Variants in ST8SIA6 observed in about 807,000 individuals in gnomAD.
ST8SIA6 encodes the protein alpha-2,8-sialyltransferase 8F.
A neutral mutation model predicts 33.6 loss-of-function variants in ST8SIA6; 39 were observed. The observed-to-expected ratio is 1.16, with a 90% CI of 0.90 to 1.52. The LOEUF (loss-of-function observed/expected upper bound fraction) is 1.52, where lower values mean the gene tolerates loss of function less well. ST8SIA6 is among the 40% of genes most tolerant of loss of function. The pLI, the probability that ST8SIA6 is intolerant of heterozygous loss-of-function variation, is 0.00. For missense variants in ST8SIA6, 441 were observed against 443.8 expected, an observed-to-expected ratio of 0.99 and a Z score of 0.06; for synonymous variants, 172 against 167.2, an observed-to-expected ratio of 1.03 and a Z score of -0.22.
rs76525493 is a variant in ST8SIA6 at position 17,384,651 on chromosome 10, C to A, written c.290+5880G>T. Among the ~76,000 whole-genome samples the A allele has an allele frequency of 1.6e-3, 243 of 151,286 alleles. 4 individuals carry two copies. In the East Asian group the frequency reaches 0.045, roughly 28 times the overall value. ...AAAATGATGTTTTCATTTTTTTTTC[C>A]AGTTTTCCTAATTTGGAGTCACTAA... On this transcript the variant is annotated intron_variant, in intron 3 of 7. Transcript: ENST00000377602.
intron 2 of ST8SIA6, chr10:17,399,301 A>G (rs1850945128): frequency 6.6e-6 from 1 of 152,192 alleles, no homozygotes; most frequent in South Asian, 2.1e-4. Flanking sequence ...CACAATTACC[A>G]TCTGAGCTTG....
intron 4 of ST8SIA6, among the ~76,000 whole-genome samples, chr10:17,340,740 C>A (rs1289283214): frequency 6.6e-6 from 1 of 152,196 alleles, no homozygotes. Context: ...CTTATCTGAG[C>A]CACTGTATCT....
intron 2 of ST8SIA6, among the ~76,000 whole-genome samples, chr10:17,398,363 G>A (rs922739152): frequency 4.0e-5 from 6 of 151,782 alleles, no homozygotes; most frequent in Admixed American, 1.3e-4. Context: ...CTGATAGTGC[G>A]AAGAATGTCT....
At chr10:17,453,394 GC>G (rs369936732) in intron 2 of ST8SIA6, among the ~76,000 whole-genome samples, 164 bp downstream of exon 2, 3,571 of 150,368 alleles carry the variant, frequency 0.024, 161 homozygotes, top group African/African-American at 0.082. Context: ...TGTGAAGGGT[GC>G]CCCCCCCCAA....
At chr10:17,402,230 C>T (rs1851073069) in intron 2 of ST8SIA6, among the ~76,000 whole-genome samples, 1 of 152,116 alleles carries the variant, frequency 6.6e-6, no homozygotes, top group South Asian at 2.1e-4. Flanking sequence ...CACAATGAGA[C>T]ACCATCTCAC....
At chr10:17,399,052 C>T (rs1465571585) in intron 2 of ST8SIA6, 1 of 152,160 alleles carries the variant, frequency 6.6e-6, no homozygotes, top group East Asian at 1.9e-4. Context: ...TATAAATCGT[C>T]TTGTATGAAT....
At chr10:17,399,773 C>T (rs1850967124) in intron 2 of ST8SIA6, among the ~76,000 whole-genome samples, 1 of 151,754 alleles carries the variant, frequency 6.6e-6, no homozygotes, top group African/African-American at 2.4e-5. Flanking sequence ...TAAAAATTAG[C>T]CAGATGTGGT....
At chr10:17,335,646 A>G (rs45561931) in intron 4 of ST8SIA6, among the ~76,000 whole-genome samples, 2,674 of 152,260 alleles carry the variant, frequency 0.018, 31 homozygotes, top group Non-Finnish European at 0.022. Context: ...GTTCATGGAG[A>G]TTAACAAAAG....
chr10:17,359,376 G>T lies in ST8SIA6; in HGVS notation c.377+138C>A, dbSNP rs1588836912. 6.9e-6 allele frequency: 4 copies of T among 575,544 alleles called. No homozygotes were observed. In the East Asian group the frequency reaches 1.2e-4, roughly 18 times the overall value. The allele number at this position is 575,544 out of a possible 1,614,324, so 35.7% of individuals were successfully genotyped here. On this transcript the variant is annotated intron_variant, in intron 4 of 7. Coordinates refer to ENST00000377602, the MANE Select transcript of ST8SIA6 (RefSeq NM_001004470.3). ...ATGGAATGCCCTGTGCCTCATGAGA[G>T]GGTCTTAGAATTCAGTTGGCCTCAT...
At chr10:17,398,756 A>C (rs567677994) in intron 2 of ST8SIA6, among the ~76,000 whole-genome samples, 1 of 152,272 alleles carries the variant, frequency 6.6e-6, no homozygotes, top group South Asian at 2.1e-4. Flanking sequence ...ATACTTAGAA[A>C]CACTCTGTCC....
intron 3 of ST8SIA6, among the ~76,000 whole-genome samples, chr10:17,375,970 C>A (rs543804177): frequency 3.0e-4 from 45 of 152,298 alleles, no homozygotes; most frequent in African/African-American, 1.0e-3. Flanking sequence ...AGACGCCTGG[C>A]GGATTACCAC....
chr10:17,420,091 A>G (rs1240919065), intron 2 of ST8SIA6, among the ~76,000 whole-genome samples: 1 of 152,252 alleles, frequency 6.6e-6, no homozygotes, highest in African/African-American at 2.4e-5. Context: ...TTATTACCTC[A>G]AAGTCTAAAG....
At chr10:17,378,960 A>G (rs1850019001) in intron 3 of ST8SIA6, among the ~76,000 whole-genome samples, 1 of 152,034 alleles carries the variant, frequency 6.6e-6, no homozygotes, top group Admixed American at 6.5e-5. Context: ...CCCCGTTACT[A>G]CTAAAAATAC....
intron 2 of ST8SIA6, among the ~76,000 whole-genome samples, chr10:17,444,008 T>C (rs1463687621): frequency 6.6e-6 from 1 of 152,214 alleles, no homozygotes; most frequent in Non-Finnish European, 1.5e-5. Flanking sequence ...TCCTTTCATA[T>C]CCCTTCTGCT....
In ST8SIA6 at chr10:17,442,896, C is replaced by A. The variant is rs542005670; in HGVS notation, c.200+10663G>T. On this transcript the variant is annotated intron_variant, in intron 2 of 7. Transcript: ENST00000377602. ...CATGGTAAAGTGCACCTCCAAAAAC[C>A]TAGACAAGGCAACAAAACTCAAATC... 2.4e-3 allele frequency among the ~76,000 whole-genome samples: 367 copies of A among 152,242 alleles called. 1 individual carries two copies. Among genetic ancestry groups the A allele is most frequent in the Middle Eastern group, 6.8e-3 (2 of 294 alleles).
intron 4 of ST8SIA6, among the ~76,000 whole-genome samples, chr10:17,356,228 AC>A (rs1333217995): frequency 2.0e-5 from 3 of 152,098 alleles, no homozygotes; most frequent in Non-Finnish European, 4.4e-5. Flanking sequence ...TCTAGCAGGA[AC>A]AAAAAAAGAC....
At chr10:17,452,651 T>C (rs557131764) in intron 2 of ST8SIA6, among the ~76,000 whole-genome samples, 161 of 152,312 alleles carry the variant, frequency 1.1e-3, no homozygotes, top group Non-Finnish European at 2.1e-3. Context: ...AGGATGCATT[T>C]CATAGAATTA....
chr10:17,333,672 GATATATATATATATATATATATATAT>G (rs1165578414), intron 4 of ST8SIA6, among the ~76,000 whole-genome samples: 2 of 35,216 alleles, frequency 5.7e-5, no homozygotes, highest in Non-Finnish European at 9.0e-5. Flanking sequence ...ATGGTGCTGG[GATATATATATATATATATATATATAT>G]ATATATATAT....
At chr10:17,422,023 T>G (rs111619469) in intron 2 of ST8SIA6, among the ~76,000 whole-genome samples, 1 of 151,786 alleles carries the variant, frequency 6.6e-6, no homozygotes, top group African/African-American at 2.4e-5. Context: ...ATTTTATTTA[T>G]TATAATATAG....
Sources: allele counts gnomAD v4.1 joint callset (sites outside exome capture counted in the v4.1 genomes callset), GRCh38; gene constraint gnomAD v4.1.1; transcripts MANE v1.5; gene names NCBI Gene and HGNC (gene_info 2026-07-23, HGNC 2026-07-21).